The following ATG7 variants were observed in gnomAD, a reference collection of about 807,000 sequenced individuals.
ATG7 encodes ubiquitin-like modifier-activating enzyme ATG7.
A neutral mutation model predicts 82.4 loss-of-function variants in ATG7; 70 were observed. The observed-to-expected ratio is 0.85, with a 90% CI of 0.70 to 1.04. The LOEUF (loss-of-function observed/expected upper bound fraction) is 1.04, where lower values mean the gene tolerates loss of function less well. ATG7 is among the 50% of genes least tolerant of loss of function. ATG7 has a pLI of 0.00. For missense variants in ATG7, 792 were observed against 864.3 expected, an observed-to-expected ratio of 0.92 and a Z score of 1.05; for synonymous variants, 287 against 313.0, an observed-to-expected ratio of 0.92 and a Z score of 0.88.
chr3:11,451,797 A>C (rs1351489701), intron 20 of ATG7, among the ~76,000 whole-genome samples: 1 of 120,992 alleles, frequency 8.3e-6, no homozygotes, highest in African/African-American at 3.6e-5. Flanking sequence ...AAAAAAAAAA[A>C]AACAAATTAA....
In ATG7 at chr3:11,378,027, AT is replaced by A. The variant is rs61176051; in HGVS notation, c.1876-1927del. On this transcript the variant is annotated intron_variant, in intron 18 of 20. Coordinates refer to ENST00000693202, the MANE Select transcript of ATG7 (RefSeq NM_001349232.2). ...GCTATCTAACTTATACCAGTTACCA[AT>A]TTTTTTTTTTTTTTTTTGAGATGGA... Among the ~76,000 whole-genome samples the A allele has an allele frequency of 6.9e-3, 639 of 92,732 alleles. 34 individuals are homozygous for A. The highest frequency in any genetic ancestry group is 0.03 in the African/African-American group (570 of 18,726). The allele number at this position is 92,732 out of a possible 152,430, so 60.8% of individuals were successfully genotyped here.
At chr3:11,390,466 A>G (rs1435994707) in intron 19 of ATG7, among the ~76,000 whole-genome samples, 1 of 152,176 alleles carries the variant, frequency 6.6e-6, no homozygotes, top group Non-Finnish European at 1.5e-5. Context: ...GGAAAATGAG[A>G]CCTATGTCAT....
At chr3:11,558,036 C>T (rs2072601478), downstream of ATG7, 1 of 157,786 alleles carries the variant, frequency 6.3e-6, no homozygotes, top group Admixed American at 6.1e-5. Context: ...TGGCATAACA[C>T]ATAAAGTTGT....
intron 19 of ATG7, among the ~76,000 whole-genome samples, chr3:11,394,974 T>A (rs376450479): frequency 6.6e-6 from 1 of 152,194 alleles, no homozygotes; most frequent in East Asian, 1.9e-4. Context: ...ATTCTAGATA[T>A]TGTACTTATT....
rs193084916 is a variant in ATG7, at chr3:11,503,673, C to T, written c.2080-51138C>T. 4.0e-3 allele frequency among the ~76,000 whole-genome samples: 582 copies of T among 145,554 alleles called. 5 individuals carry two copies. The highest frequency in any genetic ancestry group is 0.014 in the African/African-American group (540 of 39,622). On this transcript the variant is annotated intron_variant, in intron 20 of 20. Coordinates refer to ENST00000693202, the MANE Select transcript of ATG7 (RefSeq NM_001349232.2). ...CAGGAGGCTGAGGCAGGAGAATCGC[C>T]GGAACCCAGGAGGCGGAGGTTGCAG...
Position 11,332,851 on chromosome 3 carries a change from G to A in ATG7, c.768-121G>A, listed in dbSNP as rs1012226611. The A allele has an allele frequency of 6.8e-6, 7 of 1,036,354 alleles. No individual in the cohort carries two copies. In the Admixed American group the frequency reaches 1.2e-4, roughly 18 times the overall value. The allele number at this position is 1,036,354 out of a possible 1,614,324, so 64.2% of individuals were successfully genotyped here. On this transcript the variant is annotated intron_variant, in intron 10 of 20. Transcript: ENST00000693202. The stretch of plus-strand genomic sequence containing the variant: ...GGCCATCTCCTGTGGGTATCAGAGA[G>A]GCATAATTAGAATGCATTGAATTCT...
At chr3:11,452,782 G>C (rs145837418) in intron 20 of ATG7, among the ~76,000 whole-genome samples, 289 of 152,328 alleles carry the variant, frequency 1.9e-3, no homozygotes, top group African/African-American at 6.4e-3. Flanking sequence ...CACTTTTCTT[G>C]ATAGGAGATA....
At chr3:11,332,922 T>C in intron 10 of ATG7, 50 bp from the exon 11 acceptor site, 2 of 1,394,740 alleles carry the variant, frequency 1.4e-6, no homozygotes, top group South Asian at 1.7e-5. Context: ...TTTCTTTTCC[T>C]TCCTTTAAAA....
At chr3:11,356,242 A>G (rs941828605) in intron 14 of ATG7, among the ~76,000 whole-genome samples, 1 of 152,344 alleles carries the variant, frequency 6.6e-6, no homozygotes, top group Non-Finnish European at 1.5e-5. Flanking sequence ...TTAATCTATC[A>G]TTTGTCAGAA....
intron 20 of ATG7, among the ~76,000 whole-genome samples, chr3:11,441,297 G>A (rs540085442): frequency 2.6e-5 from 4 of 152,004 alleles, no homozygotes; most frequent in Admixed American, 2.0e-4. Context: ...AGGCTGGAGC[G>A]CAGTGACATG....
intron 19 of ATG7, among the ~76,000 whole-genome samples, chr3:11,407,203 A>G (rs1055895285): frequency 1.3e-5 from 2 of 152,232 alleles, no homozygotes; most frequent in African/African-American, 4.8e-5. Flanking sequence ...GCTCCATACA[A>G]GTCTGAAATC....
downstream of ATG7, chr3:11,558,525 G>C (rs1455796620): frequency 1.4e-6 from 2 of 1,409,950 alleles, no homozygotes; most frequent in Non-Finnish European, 9.4e-7. Flanking sequence ...AAACCATGCA[G>C]ATCCACGTGT....
chr3:11,352,830 A>G (rs1342783785), intron 14 of ATG7, among the ~76,000 whole-genome samples: 1 of 152,222 alleles, frequency 6.6e-6, no homozygotes, highest in South Asian at 2.1e-4. Flanking sequence ...ATTTGGTCCA[A>G]GCTCTGAAGG....
Position 11,307,062 on chromosome 3 carries a change from T to A in ATG7, c.333+2T>A, listed in dbSNP as rs781622024. On this transcript the variant is annotated splice_donor_variant, in intron 6 of 20. Transcript: ENST00000693202. LOFTEE classifies it high-confidence loss of function. ...CTTTTGGAACAAGCAGCAAATGAGG[T>A]TAGCTGTGAAAACGTGATGTATGTG... The A allele has an allele frequency of 2.5e-6, 4 of 1,610,068 alleles. No homozygotes were observed. The African/African-American group carries it at 5.3e-5, about 22-fold the overall frequency.
At chr3:11,542,567 C>T (rs1354543991) in intron 20 of ATG7, among the ~76,000 whole-genome samples, 1 of 152,232 alleles carries the variant, frequency 6.6e-6, no homozygotes, top group African/African-American at 2.4e-5. Flanking sequence ...GTGTACCTCT[C>T]ACCTGGGTCC....
chr3:11,350,877 C>T (rs1049919107), intron 14 of ATG7, among the ~76,000 whole-genome samples: 2 of 143,304 alleles, frequency 1.4e-5, no homozygotes, highest in African/African-American at 5.2e-5. Flanking sequence ...TCGCTTAAGG[C>T]CAGAAGTTCG....
intron 20 of ATG7, among the ~76,000 whole-genome samples, chr3:11,448,195 C>T (rs1457146791): frequency 6.6e-6 from 1 of 152,208 alleles, no homozygotes; most frequent in East Asian, 1.9e-4. Flanking sequence ...GCACAGTCTT[C>T]CTTACCACCA....
chr3:11,441,710 A>G (rs1287449712), intron 20 of ATG7, among the ~76,000 whole-genome samples: 8 of 138,996 alleles, frequency 5.8e-5, no homozygotes, highest in African/African-American at 1.6e-4. Context: ...TCTGTTGCCC[A>G]GGCTGGAGTG....
intron 20 of ATG7, among the ~76,000 whole-genome samples, chr3:11,465,051 A>T (rs77356414): frequency 1.2e-3 from 188 of 151,466 alleles, no homozygotes; most frequent in African/African-American, 3.8e-3. Flanking sequence ...TAAAGGAAAA[A>T]TTTTTTTTCT....
Sources: allele counts gnomAD v4.1 joint callset (sites outside exome capture counted in the v4.1 genomes callset), GRCh38; gene constraint gnomAD v4.1.1; transcripts MANE v1.5; gene names NCBI Gene and HGNC (gene_info 2026-07-23, HGNC 2026-07-21).